Variants in NAA11 observed in about 807,000 individuals in gnomAD.
NAA11 encodes the protein N-alpha-acetyltransferase 11, NatA catalytic subunit, also known as N-alpha-acetyltransferase 11.
In NAA11, 15 loss-of-function variants were observed where a neutral mutation model predicts 16.1. The ratio of observed to expected loss-of-function variants is 0.93; its 90% CI spans 0.62 to 1.44. The LOEUF is 1.44. Among genes scored for constraint, NAA11 ranks in the 40% most tolerant of loss-of-function variants. NAA11 has a pLI of 0.00. For missense variants in NAA11, 298 were observed against 291.3 expected (o/e 1.02, Z -0.17); for synonymous variants, 122 against 112.4 (o/e 1.09, Z -0.54).
At chr4:79,302,516 A>C (rs1264796072) in intron 1 of NAA11, among the ~76,000 whole-genome samples, 1 of 152,218 alleles carries the variant, frequency 6.6e-6, no homozygotes, top group African/African-American at 2.4e-5. Flanking sequence ...CAAATCCTTC[A>C]TAACAAAGTC....
At chr4:79,188,969 C>T in the NAA11 span, among the ~76,000 whole-genome samples, 6 of 151,686 alleles carry the variant, frequency 4.0e-5, no homozygotes, top group South Asian at 8.4e-4. Context: ...CAGTGGCTCA[C>T]GCCTGTAATC....
the NAA11 span, among the ~76,000 whole-genome samples, chr4:79,201,089 C>T: frequency 2.0e-5 from 3 of 151,262 alleles, no homozygotes; most frequent in Non-Finnish European, 4.4e-5. Context: ...ACGTTTCATG[C>T]TATTCTTAGA....
chr4:79,164,449 A>G, the NAA11 span, among the ~76,000 whole-genome samples: 4 of 152,180 alleles, frequency 2.6e-5, no homozygotes, highest in Non-Finnish European at 5.9e-5. Context: ...GTGTCTTTCT[A>G]AGAGAAGACA....
chr4:79,184,425 A>G, the NAA11 span, among the ~76,000 whole-genome samples: 2 of 152,194 alleles, frequency 1.3e-5, no homozygotes, highest in African/African-American at 2.4e-5. Context: ...AATATAAGCT[A>G]AAAGGGCAAT....
the NAA11 span, among the ~76,000 whole-genome samples, chr4:79,192,835 G>C: frequency 6.6e-6 from 1 of 150,704 alleles, no homozygotes. Context: ...CTAGTTTACA[G>C]TCCCACCAAC....
At chr4:79,199,752 A>G in the NAA11 span, among the ~76,000 whole-genome samples, 1 of 151,916 alleles carries the variant, frequency 6.6e-6, no homozygotes, top group Non-Finnish European at 1.5e-5. Context: ...TATATGTGTC[A>G]TAAAACCATT....
At chr4:79,232,277 T>A (rs576239590) in intron 2 of NAA11, among the ~76,000 whole-genome samples, 10 of 152,080 alleles carry the variant, frequency 6.6e-5, no homozygotes, top group Non-Finnish European at 1.0e-4. Context: ...AAGTTTTTTT[T>A]AAATCATCAA....
the NAA11 span, among the ~76,000 whole-genome samples, chr4:79,189,776 C>T: frequency 2.0e-5 from 3 of 152,104 alleles, no homozygotes; most frequent in South Asian, 2.1e-4. Flanking sequence ...GGATCCCAGA[C>T]GGAGACAGAA....
chr4:79,192,365 C>T, the NAA11 span, among the ~76,000 whole-genome samples: 4 of 144,440 alleles, frequency 2.8e-5, no homozygotes, highest in African/African-American at 7.7e-5. Context: ...TCTCCTAATG[C>T]TATCCCTCCC....
intron 2 of NAA11, among the ~76,000 whole-genome samples, chr4:79,269,879 A>G (rs998387063): frequency 6.6e-6 from 1 of 151,480 alleles, no homozygotes; most frequent in African/African-American, 2.4e-5. Flanking sequence ...TGATTTTTGT[A>G]TAAGGTGTAA....
the NAA11 span, among the ~76,000 whole-genome samples, chr4:79,176,732 T>C: frequency 6.6e-6 from 1 of 152,188 alleles, no homozygotes; most frequent in Admixed American, 6.6e-5. Context: ...AGTGCACATA[T>C]ACTCCTTAAT....
the NAA11 span, among the ~76,000 whole-genome samples, chr4:79,172,123 ATTCTT>A: frequency 3.9e-5 from 6 of 152,146 alleles, no homozygotes; most frequent in South Asian, 1.2e-3. Flanking sequence ...ATAAGTTTAT[ATTCTT>A]TTCTTTCATT....
At chr4:79,204,511 C>G in the NAA11 span, among the ~76,000 whole-genome samples, 1 of 150,640 alleles carries the variant, frequency 6.6e-6, no homozygotes, top group Non-Finnish European at 1.5e-5. Flanking sequence ...TCCTGCCTCC[C>G]TCCCTCCCTC....
At chr4:79,248,661 C>G (rs1721903206) in intron 2 of NAA11, among the ~76,000 whole-genome samples, 4 of 152,196 alleles carry the variant, frequency 2.6e-5, no homozygotes, top group Admixed American at 2.0e-4. Flanking sequence ...CACCCTGTGC[C>G]ACCATTGCCA....
chr4:79,173,260 G>A, the NAA11 span, among the ~76,000 whole-genome samples: 1 of 152,064 alleles, frequency 6.6e-6, no homozygotes, highest in African/African-American at 2.4e-5. Flanking sequence ...TTGATCTGTT[G>A]CAGTGCCAGT....
the NAA11 span, among the ~76,000 whole-genome samples, chr4:79,202,623 T>TTTTATATATATATATATATATATATATA: frequency 9.5e-5 from 5 of 52,638 alleles, no homozygotes; most frequent in African/African-American, 1.4e-4. Flanking sequence ...ATATATAGTT[T>TTTTATATATATATATATATATATATATA]TATATATATA....
rs544363023 is a variant in NAA11, at chr4:79,325,892, G to T, written c.-15C>A. The T allele has an allele frequency of 5.0e-5, 79 of 1,594,098 alleles. No homozygotes were observed. Among genetic ancestry groups the T allele is most frequent in the Non-Finnish European group, 6.7e-5 (78 of 1,169,166 alleles). On this transcript the variant is annotated 5_prime_UTR_variant, in exon 1 of 2. Coordinates refer to ENST00000286794, the MANE Select transcript of NAA11 (RefSeq NM_032693.3). ...CGGATGTTCATAATGGCAGAGGGTA[G>T]GGAACCGGTTGGACTGCAGTGAACC...
intron 1 of NAA11, among the ~76,000 whole-genome samples, chr4:79,318,570 C>A (rs1334463634): frequency 6.6e-6 from 1 of 152,108 alleles, no homozygotes; most frequent in Non-Finnish European, 1.5e-5. Context: ...CATTTTTGTA[C>A]AAAATCATTG....
At chr4:79,181,510 C>T in the NAA11 span, among the ~76,000 whole-genome samples, 1 of 152,184 alleles carries the variant, frequency 6.6e-6, no homozygotes, top group Non-Finnish European at 1.5e-5. Flanking sequence ...AGAAATTACA[C>T]ACGCGGTGGC....
Sources: gnomAD v4.1 joint callset for allele counts (sites outside exome capture counted in the v4.1 genomes callset) on GRCh38, gnomAD v4.1.1 for gene constraint, MANE v1.5 for transcripts, NCBI Gene and HGNC (gene_info 2026-07-23, HGNC 2026-07-21) for gene names.